Variants in CCDC91 observed in about 807,000 individuals in gnomAD.
CCDC91 encodes the protein coiled-coil domain containing 91, also known as coiled-coil domain-containing protein 91.
CCDC91 carries 48 observed loss-of-function variants against 63.2 expected under a neutral mutation model. The observed-to-expected ratio is 0.76, with a 90% CI of 0.60 to 0.97. The LOEUF is 0.97. Ranked by LOEUF, CCDC91 falls within the 50% of genes least tolerant of loss-of-function variation. The pLI, the probability that CCDC91 is intolerant of heterozygous loss-of-function variation, is 0.00. For missense variants in CCDC91, 500 were observed against 494.6 expected (o/e 1.01, Z -0.10); for synonymous variants, 167 against 165.8 (o/e 1.01, Z -0.06).
chr12:28,499,903 T>A (rs767909632), intron 12 of CCDC91, among the ~76,000 whole-genome samples: 21 of 151,832 alleles, frequency 1.4e-4, no homozygotes, highest in Non-Finnish European at 2.2e-4. Flanking sequence ...AGTTCTAGAT[T>A]CTTGAGGAAT....
At chr12:28,428,619 T>C (rs1477304709) in intron 8 of CCDC91, among the ~76,000 whole-genome samples, 2 of 149,538 alleles carry the variant, frequency 1.3e-5, no homozygotes, top group Non-Finnish European at 3.0e-5. Flanking sequence ...TATCTTTTCA[T>C]CTAGGGAATG....
At chr12:28,521,483 G>A (rs1017647139) in intron 12 of CCDC91, among the ~76,000 whole-genome samples, 12 of 152,244 alleles carry the variant, frequency 7.9e-5, no homozygotes, top group South Asian at 4.1e-4. Context: ...CTGAGACGAC[G>A]TGGTTTTCTA....
At chr12:28,484,210 A>G (rs1343074565) in intron 12 of CCDC91, 45 bp downstream of exon 12, 5 of 1,026,078 alleles carry the variant, frequency 4.9e-6, no homozygotes, top group Non-Finnish European at 5.9e-6. Context: ...CAATAAACTG[A>G]ATCAGTGACT....
intron 3 of CCDC91, among the ~76,000 whole-genome samples, chr12:28,268,268 T>C (rs1947493816): frequency 6.6e-6 from 1 of 151,634 alleles, no homozygotes; most frequent in South Asian, 2.1e-4. Context: ...TTTCACCATG[T>C]CAGCCAGGAT....
chr12:28,491,941 G>A (rs1012851774), intron 12 of CCDC91, among the ~76,000 whole-genome samples: 4 of 148,986 alleles, frequency 2.7e-5, no homozygotes, highest in Non-Finnish European at 6.0e-5. Flanking sequence ...AAATGTGTGT[G>A]TGCGTGTATG....
At chr12:28,259,684 C>G (rs7969458) in intron 3 of CCDC91, among the ~76,000 whole-genome samples, 1 of 151,778 alleles carries the variant, frequency 6.6e-6, no homozygotes, top group Non-Finnish European at 1.5e-5. Context: ...TGAAATTAAA[C>G]TACAATTTAC....
intron 8 of CCDC91, among the ~76,000 whole-genome samples, chr12:28,415,969 G>GTTTT (rs71039895): frequency 2.0e-5 from 3 of 148,604 alleles, no homozygotes; most frequent in Non-Finnish European, 3.0e-5. Flanking sequence ...TGAGGAATGT[G>GTTTT]TTTTTTTTTT....
At chr12:28,196,351 C>G (rs1462649753) in intron 1 of CCDC91, among the ~76,000 whole-genome samples, 1 of 149,678 alleles carries the variant, frequency 6.7e-6, no homozygotes, top group Non-Finnish European at 1.5e-5. Flanking sequence ...GTTAAACTCA[C>G]GAGTTCGTTC....
At chr12:28,318,075 C>CT (rs950781342) in intron 6 of CCDC91, among the ~76,000 whole-genome samples, 134 of 151,608 alleles carry the variant, frequency 8.8e-4, no homozygotes, top group South Asian at 4.8e-3. Context: ...AGCTTTAACT[C>CT]TTTTTTTATT....
chr12:28,327,995 T>G (rs2137586701), intron 6 of CCDC91, among the ~76,000 whole-genome samples: 1 of 152,170 alleles, frequency 6.6e-6, no homozygotes, highest in Middle Eastern at 3.4e-3. Context: ...AACAAAAAGA[T>G]CCCCCTGTGT....
At chr12:28,212,807 G>C (rs1248428802) in intron 1 of CCDC91, among the ~76,000 whole-genome samples, 3 of 152,150 alleles carry the variant, frequency 2.0e-5, no homozygotes, top group Non-Finnish European at 4.4e-5. Flanking sequence ...AAATAATGGA[G>C]AACTGAGGTA....
At chr12:28,362,843 T>C (rs1943993012) in intron 7 of CCDC91, among the ~76,000 whole-genome samples, 1 of 152,122 alleles carries the variant, frequency 6.6e-6, no homozygotes. Context: ...AGGAAAAAAA[T>C]TAAGGCATGA....
At chr12:28,290,618 T>C (rs1949187583) in intron 3 of CCDC91, among the ~76,000 whole-genome samples, 1 of 152,232 alleles carries the variant, frequency 6.6e-6, no homozygotes, top group South Asian at 2.1e-4. Context: ...TCTGTGTACT[T>C]AAGTGTGTTT....
intron 11 of CCDC91, among the ~76,000 whole-genome samples, chr12:28,463,567 A>C (rs1950409581): frequency 6.6e-6 from 1 of 152,222 alleles, no homozygotes; most frequent in Admixed American, 6.5e-5. Context: ...ACATGATGGC[A>C]GTTGAAAAGG....
At chr12:28,486,179 G>C (rs1951715572) in intron 12 of CCDC91, among the ~76,000 whole-genome samples, 1 of 152,104 alleles carries the variant, frequency 6.6e-6, no homozygotes, top group Non-Finnish European at 1.5e-5. Flanking sequence ...AGTCCACTCT[G>C]ATTCTATGAA....
At chr12:28,217,317 G>A (rs1397563026) in intron 1 of CCDC91, among the ~76,000 whole-genome samples, 1 of 152,046 alleles carries the variant, frequency 6.6e-6, no homozygotes, top group African/African-American at 2.4e-5. Flanking sequence ...TCCTGGGGTG[G>A]TAGTAGTTTG....
chr12:28,314,738 A>G (rs1414272920), intron 6 of CCDC91, among the ~76,000 whole-genome samples: 1 of 152,012 alleles, frequency 6.6e-6, no homozygotes, highest in Non-Finnish European at 1.5e-5. Flanking sequence ...ATGAAACAAT[A>G]AGGATTTTAT....
At chr12:28,341,315 A>G (rs1252744898) in intron 6 of CCDC91, among the ~76,000 whole-genome samples, 2 of 152,136 alleles carry the variant, frequency 1.3e-5, no homozygotes, top group Admixed American at 6.5e-5. Context: ...GTCCTCACCT[A>G]GGCCCATGGG....
At position 28,272,561 on chromosome 12, in the gene CCDC91, A is replaced by C. The variant is rs569427413; in HGVS notation, c.109+13119A>C. The stretch of plus-strand genomic sequence containing the variant: ...TTCTTTATTGTCTAAGGTGATGTAA[A>C]TCTGTCCATTGAATTTATAATTTCA... On this transcript the variant is annotated intron_variant, in intron 3 of 12. Coordinates refer to ENST00000536442, the MANE Select transcript of CCDC91 (RefSeq NM_018318.5). 2.6e-4 allele frequency among the ~76,000 whole-genome samples: 40 copies of C among 152,000 alleles called. 1 individual carries two copies. In the South Asian group the frequency reaches 8.3e-3, roughly 32 times the overall value.
Sources: allele counts gnomAD v4.1 joint callset (sites outside exome capture counted in the v4.1 genomes callset), GRCh38; gene constraint gnomAD v4.1.1; transcripts MANE v1.5; gene names NCBI Gene and HGNC (gene_info 2026-07-23, HGNC 2026-07-21).